The following ADGRL3 variants were observed in gnomAD, a reference collection of about 807,000 sequenced individuals.
The protein encoded by ADGRL3 is calcium-independent alpha-latrotoxin receptor 3.
Under a neutral mutation model 153.5 loss-of-function variants are expected in ADGRL3, and 62 were observed. The observed-to-expected ratio is 0.40, with a 90% CI of 0.33 to 0.50. The LOEUF is 0.50. Ranked by LOEUF, ADGRL3 falls within the 20% of genes least tolerant of loss-of-function variation. ADGRL3 has a pLI of 0.47. For synonymous variants in ADGRL3, 710 were observed against 672.5 expected (o/e 1.06, Z -0.86); for missense variants, 1,641 against 1,859.4 (o/e 0.88, Z 2.16).
At chr4:61,206,533 C>A (rs1577850218) in intron 1 of ADGRL3, among the ~76,000 whole-genome samples, 2 of 152,280 alleles carry the variant, frequency 1.3e-5, no homozygotes, top group East Asian at 3.9e-4. Context: ...TATTCTTTAA[C>A]ACGTGTTCAG....
chr4:61,733,307 T>G lies in ADGRL3; in HGVS notation c.1152T>G (p.Ile384Met), dbSNP rs1561142233. Reference protein sequence around the residue: ...DKRSASNAFMICGILYVVKSV... With the variant: ...DKRSASNAFMMCGILYVVKSV... The stretch of plus-strand genomic sequence containing the variant: ...GGTCAGCTTCCAATGCCTTTATGAT[T>G]TGTGGAATTCTGTATGTGGTCAAAT... The change falls in exon 8 of 27, where the codon ATT (isoleucine) becomes ATG (methionine). Residue 384 changes from isoleucine to methionine, a missense_variant. Transcript: ENST00000683033. 1 of 1,613,768 alleles carries G rather than the reference T, an allele frequency of 6.2e-7. No individual in the cohort carries two copies.
chr4:61,284,055 T>C (rs1238111149), intron 1 of ADGRL3, among the ~76,000 whole-genome samples: 1 of 152,016 alleles, frequency 6.6e-6, no homozygotes, highest in Non-Finnish European at 1.5e-5. Flanking sequence ...CAATGCACTT[T>C]GGATAGTTTG....
rs2097532746 is a variant in ADGRL3 at position 61,441,908 on chromosome 4, G to A, written c.-173-55213G>A. On this transcript the variant is annotated intron_variant, in intron 2 of 26. Coordinates refer to ENST00000683033, the MANE Select transcript of ADGRL3 (RefSeq NM_001387552.1). ...TGCTACCCAGTGAAAATTATGAATAGTAGTTTCAAATAAAGGAATAATTTG... is the reference window on the plus strand; with the variant it reads ...TGCTACCCAGTGAAAATTATGAATAATAGTTTCAAATAAAGGAATAATTTG... Among the ~76,000 whole-genome samples, 7 of 152,220 alleles carry A rather than the reference G, an allele frequency of 4.6e-5. No individual in the cohort carries two copies. In the South Asian group the frequency reaches 1.5e-3, roughly 32 times the overall value.
intron 2 of ADGRL3, among the ~76,000 whole-genome samples, chr4:61,400,452 C>G (rs1225166916): frequency 6.6e-6 from 1 of 151,656 alleles, no homozygotes; most frequent in Non-Finnish European, 1.5e-5. Context: ...GAAAAGTGAA[C>G]TAGAAATAAT....
At chr4:61,932,304 T>C (rs1267490390) in intron 13 of ADGRL3, among the ~76,000 whole-genome samples, 1 of 152,168 alleles carries the variant, frequency 6.6e-6, no homozygotes, top group African/African-American at 2.4e-5. Flanking sequence ...TGGAGTATGA[T>C]GTTATCTAAG....
intron 2 of ADGRL3, among the ~76,000 whole-genome samples, chr4:61,494,731 A>T (rs1290016163): frequency 6.6e-6 from 1 of 152,114 alleles, no homozygotes; most frequent in Non-Finnish European, 1.5e-5. Flanking sequence ...AAATATTATG[A>T]GATTATCTAG....
chr4:61,739,746 C>T (rs911467361), intron 8 of ADGRL3, among the ~76,000 whole-genome samples: 1 of 152,158 alleles, frequency 6.6e-6, no homozygotes, highest in Non-Finnish European at 1.5e-5. Context: ...CAGCTTCTCC[C>T]TTGCTTCACC....
In ADGRL3 at chr4:61,889,977, C is replaced by A. The variant is rs375608113; in HGVS notation, c.1481-2679C>A. Reference sequence around the variant, plus strand: ...TATTCATCAGTACCTACATAATCCTCGAGAAGGGAAAGAAGACAATTGAAA... The same window carrying A: ...TATTCATCAGTACCTACATAATCCTAGAGAAGGGAAAGAAGACAATTGAAA... On this transcript the variant is annotated intron_variant, in intron 9 of 26. Coordinates refer to ENST00000683033, the MANE Select transcript of ADGRL3 (RefSeq NM_001387552.1). 2.4e-3 allele frequency among the ~76,000 whole-genome samples: 359 copies of A among 152,216 alleles called. 13 individuals carry two copies. In the South Asian group the frequency reaches 0.072, roughly 30 times the overall value.
chr4:61,752,859 G>T (rs1335850825), intron 8 of ADGRL3, among the ~76,000 whole-genome samples: 1 of 152,094 alleles, frequency 6.6e-6, no homozygotes, highest in East Asian at 1.9e-4. Context: ...ACGTGAGCCT[G>T]GGAGGTGGAG....
chr4:61,334,811 C>T (rs1175070774), intron 1 of ADGRL3, among the ~76,000 whole-genome samples: 2 of 152,018 alleles, frequency 1.3e-5, no homozygotes, highest in Admixed American at 6.6e-5. Context: ...TGAGACAACT[C>T]TGGTGGGATT....
chr4:61,306,465 G>A (rs577541998), intron 1 of ADGRL3, among the ~76,000 whole-genome samples: 1 of 150,492 alleles, frequency 6.6e-6, no homozygotes, highest in South Asian at 2.1e-4. Context: ...TAGAAATTCT[G>A]TGAGGCCATG....
At chr4:61,476,966 A>T (rs189830646) in intron 2 of ADGRL3, among the ~76,000 whole-genome samples, 9 of 151,918 alleles carry the variant, frequency 5.9e-5, no homozygotes, top group Admixed American at 4.6e-4. Context: ...TTATTTATGT[A>T]GTTAGTTATT....
intron 2 of ADGRL3, among the ~76,000 whole-genome samples, chr4:61,448,230 T>G (rs2097611309): frequency 6.6e-6 from 1 of 152,308 alleles, no homozygotes; most frequent in Non-Finnish European, 1.5e-5. Context: ...GGTGTGTATT[T>G]ATTTAACTTC....
At chr4:62,002,589 A>G (rs1345213502) in intron 21 of ADGRL3, among the ~76,000 whole-genome samples, 4 of 152,016 alleles carry the variant, frequency 2.6e-5, no homozygotes, top group African/African-American at 7.2e-5. Flanking sequence ...GAAGTAATAT[A>G]GGTAATATGA....
At chr4:61,538,732 A>G (rs769939528) in intron 4 of ADGRL3, among the ~76,000 whole-genome samples, 38 of 152,032 alleles carry the variant, frequency 2.5e-4, no homozygotes, top group Non-Finnish European at 4.4e-4. Context: ...ATGAGCCACC[A>G]TGCCTGGCCT....
intron 1 of ADGRL3, among the ~76,000 whole-genome samples, chr4:61,370,715 G>A (rs1458576627): frequency 4.6e-5 from 7 of 151,450 alleles, no homozygotes; most frequent in Non-Finnish European, 1.0e-4. Flanking sequence ...TGTTGATTTG[G>A]GGTGGAGAGT....
chr4:61,560,772 C>A (rs1209711191), intron 4 of ADGRL3, among the ~76,000 whole-genome samples: 4 of 152,080 alleles, frequency 2.6e-5, no homozygotes, highest in African/African-American at 2.4e-5. Context: ...CTACTTAAGG[C>A]CTGCTCTATA....
intron 5 of ADGRL3, among the ~76,000 whole-genome samples, chr4:61,647,252 C>T (rs2094049553): frequency 6.6e-6 from 1 of 152,260 alleles, no homozygotes; most frequent in East Asian, 1.9e-4. Flanking sequence ...GTGGCTCACG[C>T]TGGGAGCTGT....
At chr4:61,646,996 C>T (rs911561097) in intron 5 of ADGRL3, among the ~76,000 whole-genome samples, 8 of 152,172 alleles carry the variant, frequency 5.3e-5, no homozygotes, top group Admixed American at 2.0e-4. Flanking sequence ...TTTTTTAAGC[C>T]GGTAGGAAAA....
Sources: allele counts gnomAD v4.1 joint callset (sites outside exome capture counted in the v4.1 genomes callset), GRCh38; gene constraint gnomAD v4.1.1; transcripts MANE v1.5; gene names NCBI Gene and HGNC (gene_info 2026-07-23, HGNC 2026-07-21).